LBR: variants seen among roughly 807,000 people sequenced by gnomAD.
LBR encodes the protein lamin B receptor, also known as delta(14)-sterol reductase LBR.
In LBR, 28 loss-of-function variants were observed where a neutral mutation model predicts 74.3. The observed-to-expected ratio is 0.38, with a 90% CI of 0.28 to 0.52. LBR has a LOEUF of 0.52. Among genes scored for constraint, LBR ranks in the 20% least tolerant of loss-of-function variants. LBR has a pLI of 0.89. For missense variants in LBR, 717 were observed against 760.3 expected (o/e 0.94, Z 0.67); for synonymous variants, 228 against 269.3 (o/e 0.85, Z 1.50).
intron 10 of LBR, among the ~76,000 whole-genome samples, chr1:225,409,605 C>T (rs2096100311): frequency 6.6e-6 from 1 of 151,918 alleles, no homozygotes; most frequent in Non-Finnish European, 1.5e-5. Flanking sequence ...GGAAAGAAAA[C>T]TAGAGTTGGA....
At chr1:225,410,217 G>A in intron 10 of LBR, 74 bp downstream of exon 10, 5 of 1,604,450 alleles carry the variant, frequency 3.1e-6, no homozygotes, top group Non-Finnish European at 4.3e-6. Context: ...TGTGCAAGAA[G>A]CCGAGGCTCT....
At chr1:225,424,330 A>G (rs974081629) in intron 1 of LBR, among the ~76,000 whole-genome samples, 7 of 152,252 alleles carry the variant, frequency 4.6e-5, no homozygotes, top group African/African-American at 1.7e-4. Flanking sequence ...AGTTCACACT[A>G]TGTAAAATGT....
chr1:225,423,112 T>C (rs1276781103), intron 2 of LBR, among the ~76,000 whole-genome samples: 1 of 152,214 alleles, frequency 6.6e-6, no homozygotes. Context: ...AGTACCAAAA[T>C]TGAGAAATAG....
chr1:225,427,670 G>C (rs924229166), intron 1 of LBR: 7 of 152,388 alleles, frequency 4.6e-5, no homozygotes, highest in Admixed American at 4.6e-4. Flanking sequence ...AACATGGAGG[G>C]AAACGTCCGC....
chr1:225,421,808 A>T (rs2096127928), intron 3 of LBR, among the ~76,000 whole-genome samples: 1 of 152,216 alleles, frequency 6.6e-6, no homozygotes, highest in African/African-American at 2.4e-5. Context: ...TACGCAGTTC[A>T]ATCTACAAGC....
chr1:225,423,809 C>T (rs745999059), intron 2 of LBR, 102 bp downstream of exon 2: 4 of 1,162,506 alleles, frequency 3.4e-6, no homozygotes, highest in Non-Finnish European at 5.1e-6. Context: ...AATCCTCTGC[C>T]TTCAAACCGA....
intron 10 of LBR, among the ~76,000 whole-genome samples, chr1:225,407,238 T>G (rs2096094054): frequency 6.6e-6 from 1 of 152,178 alleles, no homozygotes; most frequent in Non-Finnish European, 1.5e-5. Context: ...TGTACTTGTC[T>G]AGTCACTCTT....
chr1:225,416,696 A>G (rs573465750), intron 6 of LBR, among the ~76,000 whole-genome samples: 1 of 152,356 alleles, frequency 6.6e-6, no homozygotes, highest in East Asian at 1.9e-4. Flanking sequence ...CCATGGATTC[A>G]ACCAACCAGA....
Position 225,412,528 on chromosome 1 carries a change from C to T in LBR, c.1010G>A (p.Cys337Tyr). 6.2e-7 allele frequency: 1 copy of T among 1,613,686 alleles called. No individual in the cohort carries two copies. Among genetic ancestry groups the T allele is most frequent in the Non-Finnish European group, 8.5e-7 (1 of 1,179,988 alleles). The change falls in exon 8 of 14, where the codon TGT becomes TAT. Residue 337 changes from cysteine (C) to tyrosine (Y), a missense_variant. Transcript: ENST00000272163. The stretch of plus-strand genomic sequence containing the variant: ...GTAGAGATACACACTCAAGACCACA[C>T]AAAAAACAGTGGCCGCAAGTGCAAA... Reference protein sequence around the residue: ...LQFALAATVFCVVLSVYLYMR... With the variant: ...LQFALAATVFYVVLSVYLYMR...
In LBR at chr1:225,406,732, G is replaced by A; in HGVS notation, c.1415C>T (p.Ala472Val). The change falls in exon 11 of 14, where the codon GCC (alanine) becomes GTC (valine). Residue 472 changes from alanine (A) to valine (V), a missense_variant. Transcript: ENST00000272163. ...ATTTGGATGACTGACTAAATAAAAG[G>A]CTTGGAAGCTGTAAATAAAGGGAAC... ...VWVPFIYSFQAFYLVSHPNEV... is the reference protein window; with the variant it reads ...VWVPFIYSFQVFYLVSHPNEV... The A allele has an allele frequency of 6.2e-7, 1 of 1,614,046 alleles. No homozygotes were observed. The highest frequency in any genetic ancestry group is 8.5e-7 in the Non-Finnish European group (1 of 1,179,962).
At chr1:225,423,348 C>A (rs1273139437) in intron 2 of LBR, among the ~76,000 whole-genome samples, 3 of 152,164 alleles carry the variant, frequency 2.0e-5, no homozygotes, top group African/African-American at 7.2e-5. Flanking sequence ...ATTAATGTCA[C>A]TCTCCTGATT....
intron 2 of LBR, among the ~76,000 whole-genome samples, chr1:225,423,508 C>T (rs1478139572): frequency 6.6e-6 from 1 of 152,142 alleles, no homozygotes; most frequent in Non-Finnish European, 1.5e-5. Context: ...GCATACTGCC[C>T]TCTCTGCAGA....
Position 225,424,035 on chromosome 1 carries a change from C to A in LBR, c.41G>T (p.Gly14Val), listed in dbSNP as rs2150960177. The A allele has an allele frequency of 3.7e-6, 6 of 1,614,124 alleles. No individual in the cohort carries two copies. Among genetic ancestry groups the A allele is most frequent in the Non-Finnish European group, 5.1e-6 (6 of 1,180,014 alleles). The change falls in exon 2 of 14, where the codon GGT becomes GTT. Residue 14 changes from glycine to valine, a missense_variant. Transcript: ENST00000272163. ...ATAAAGTGAACTCCCAGGCCATCGACCTCTTACCACTTCACCATCGGCAAA... is the reference window on the plus strand; with the variant it reads ...ATAAAGTGAACTCCCAGGCCATCGAACTCTTACCACTTCACCATCGGCAAA... ...RKFADGEVVR[G>V]RWPGSSLYYE...
At position 225,418,033 on chromosome 1, in the gene LBR, A is replaced by G. The variant is rs774504905; in HGVS notation, c.788T>C (p.Leu263Pro). 8.1e-6 allele frequency: 13 copies of G among 1,614,104 alleles called. No individual in the cohort carries two copies. The highest frequency in any genetic ancestry group is 1.1e-5 in the Non-Finnish European group (13 of 1,180,040). Residue 263 changes from leucine to proline, a missense_variant, in exon 6 of 14, where the codon CTC becomes CCC. Transcript: ENST00000272163. ...LWETRVFGVY[L>P]LWFLIQVLFY... ...CAGGACTTGAATCAAAAACCACAGG[A>G]GGTAGACCCCAAATACTCTGGTTTC...
chr1:225,410,373 T>C lies in LBR; in HGVS notation c.1232A>G (p.Gln411Arg), dbSNP rs1218508469. Reference sequence around the variant, plus strand: ...GGCCAAGGATGGAACAGCGCGGTCCTGTATTTTCATTTCAGCCAAAAGCAT... The same window carrying C: ...GGCCAAGGATGGAACAGCGCGGTCCCGTATTTTCATTTCAGCCAAAAGCAT... ...LVMLLAEMKI[Q>R]DRAVPSLAMI... The change falls in exon 10 of 14, where the codon CAG becomes CGG. Residue 411 changes from glutamine to arginine, a missense_variant. Transcript: ENST00000272163. 6.2e-7 allele frequency: 1 copy of C among 1,614,198 alleles called. No homozygotes were observed. The highest frequency in any genetic ancestry group is 1.7e-5 in the Admixed American group (1 of 60,032).
At chr1:225,424,114 T>C (rs974027923) in intron 1 of LBR, 25 bp from the exon 2 acceptor site, 4 of 1,546,758 alleles carry the variant, frequency 2.6e-6, no homozygotes, top group Non-Finnish European at 2.7e-6. Context: ...AGAAAAAAAT[T>C]TGAGTCAATA....
chr1:225,403,403 C>T lies in LBR; in HGVS notation c.1748G>A (p.Arg583Gln), dbSNP rs587777172. The T allele has an allele frequency of 9.3e-6, 15 of 1,613,228 alleles. No individual in the cohort carries two copies. The highest frequency in any genetic ancestry group is 3.3e-5 in the South Asian group (3 of 91,034). Residue 583 changes from arginine to glutamine, a missense_variant, in exon 14 of 14, where the codon CGA (arginine) becomes CAA (glutamine). By Grantham distance (43) the Arg-to-Gln change is conservative. Coordinates refer to ENST00000272163, the MANE Select transcript of LBR (RefSeq NM_002296.4). Reference sequence around the variant, plus strand: ...ACAGTGGTACTCGTCACGAGCTTCTCGGTGGACAAGCAACATGGTGAAATA... The same window carrying T: ...ACAGTGGTACTCGTCACGAGCTTCTTGGTGGACAAGCAACATGGTGAAATA... Reference protein sequence around the residue: ...IIYFTMLLVHREARDEYHCKK... With the variant: ...IIYFTMLLVHQEARDEYHCKK...
At chr1:225,418,744 C>T (rs146872791) in intron 5 of LBR, among the ~76,000 whole-genome samples, 136 of 152,282 alleles carry the variant, frequency 8.9e-4, no homozygotes, top group African/African-American at 3.2e-3. Flanking sequence ...TTTACTAGCT[C>T]ATAAAATTTC....
intron 10 of LBR, among the ~76,000 whole-genome samples, chr1:225,409,772 T>C (rs1419926571): frequency 6.6e-6 from 1 of 152,192 alleles, no homozygotes; most frequent in Non-Finnish European, 1.5e-5. Context: ...CTAATCAATG[T>C]ATGAAAAAAG....
Sources: gnomAD v4.1 joint callset for allele counts (sites outside exome capture counted in the v4.1 genomes callset) on GRCh38, gnomAD v4.1.1 for gene constraint, MANE v1.5 for transcripts, NCBI Gene and HGNC (gene_info 2026-07-23, HGNC 2026-07-21) for gene names.